TMEM44: variants seen among roughly 807,000 people sequenced by gnomAD.
The protein encoded by TMEM44 is transmembrane protein 44.
In TMEM44, 43 loss-of-function variants were observed where a neutral mutation model predicts 47.8. That is an observed-to-expected ratio of 0.90 (90% CI 0.70 to 1.16). TMEM44 has a LOEUF of 1.16. Ranked by LOEUF, TMEM44 falls within the 50% of genes most tolerant of loss-of-function variation. The pLI, the probability that TMEM44 is intolerant of heterozygous loss-of-function variation, is 0.00. For missense variants in TMEM44, 568 were observed against 555.2 expected, an observed-to-expected ratio of 1.02 and a Z score of -0.23; for synonymous variants, 277 against 238.8, an observed-to-expected ratio of 1.16 and a Z score of -1.48.
In TMEM44 at chr3:194,588,633, G is replaced by C; in HGVS notation, c.1183C>G (p.Pro395Ala). Residue 395 changes from proline to alanine, a missense_variant, in exon 10 of 10, where the codon CCT becomes GCT. By Grantham distance (27) the Pro-to-Ala change is conservative. Transcript: ENST00000347147. ...SSINSDLEWD[P>A]EDVNLEGSKE... The stretch of plus-strand genomic sequence containing the variant: ...CTGCCTTCGAGGTTCACATCTTCAG[G>C]GTCCCACTATGGAGAAAAGATGCAA... 8 of 1,613,972 alleles carry C rather than the reference G, an allele frequency of 5.0e-6. No homozygotes were observed. Among genetic ancestry groups the C allele is most frequent in the Non-Finnish European group, 6.8e-6 (8 of 1,179,996 alleles).
chr3:194,617,858 T>C (rs1383772743), intron 5 of TMEM44: 3 of 647,250 alleles, frequency 4.6e-6, no homozygotes, highest in Non-Finnish European at 8.4e-6. Context: ...CTCACGACAG[T>C]GAGTGAGTTC....
chr3:194,590,646 G>C (rs1388089487), intron 9 of TMEM44, among the ~76,000 whole-genome samples: 1 of 152,160 alleles, frequency 6.6e-6, no homozygotes, highest in Non-Finnish European at 1.5e-5. Context: ...GCGTGTGCTT[G>C]ACCAGCCACA....
At chr3:194,613,236 G>C (rs1469767780) in intron 7 of TMEM44, among the ~76,000 whole-genome samples, 1 of 151,818 alleles carries the variant, frequency 6.6e-6, no homozygotes, top group African/African-American at 2.4e-5. Context: ...GGAGTACAGT[G>C]GCACGATCCC....
intron 9 of TMEM44, 144 bp downstream of exon 9, chr3:194,604,143 C>G: frequency 9.3e-7 from 1 of 1,075,980 alleles, no homozygotes; most frequent in African/African-American, 1.6e-5. Flanking sequence ...TGTGAGCCAC[C>G]GCGCCTGGCC....
At chr3:194,624,113 G>A (rs913463150) in intron 3 of TMEM44, among the ~76,000 whole-genome samples, 1 of 152,234 alleles carries the variant, frequency 6.6e-6, no homozygotes, top group African/African-American at 2.4e-5. Flanking sequence ...GATGGCACCA[G>A]CGGGAACTGT....
chr3:194,600,708 G>A (rs1386434639), intron 9 of TMEM44, among the ~76,000 whole-genome samples: 1 of 152,000 alleles, frequency 6.6e-6, no homozygotes, highest in Non-Finnish European at 1.5e-5. Flanking sequence ...CCGAGACTGC[G>A]CCACGGCACT....
chr3:194,617,393 T>G, intron 5 of TMEM44, 124 bp from the exon 6 acceptor site: 3 of 1,112,856 alleles, frequency 2.7e-6, no homozygotes, highest in Non-Finnish European at 3.8e-6. Context: ...GGGCAATGCT[T>G]CTGTTAGACT....
chr3:194,617,188 T>A lies in TMEM44; in HGVS notation c.694A>T (p.Ile232Phe). ...TCAGGGTGCTGGTCGTGGGCCACAA[T>A]GGCCGAGGCATAGAGGAGGCCAGCC... ...ALAGLLYASA[I>F]VAHDQHPEYL... The change falls in exon 6 of 10, where the codon ATT (isoleucine) becomes TTT (phenylalanine). Residue 232 changes from isoleucine (I) to phenylalanine (F), a missense_variant. By Grantham distance (21) the Ile-to-Phe change is conservative. Transcript: ENST00000347147. 1 of 1,546,362 alleles carries A rather than the reference T, an allele frequency of 6.5e-7. No homozygotes were observed. Among genetic ancestry groups the A allele is most frequent in the Admixed American group, 2.0e-5 (1 of 50,834 alleles).
chr3:194,631,190 A>G (rs1329807752), intron 1 of TMEM44, among the ~76,000 whole-genome samples: 3 of 142,892 alleles, frequency 2.1e-5, no homozygotes, highest in Non-Finnish European at 4.6e-5. Flanking sequence ...CGTCACTGAT[A>G]GGGCCTCTGA....
At chr3:194,617,350 G>A (rs947778573) in intron 5 of TMEM44, 81 bp from the exon 6 acceptor site, 16 of 1,417,894 alleles carry the variant, frequency 1.1e-5, no homozygotes, top group African/African-American at 2.9e-5. Flanking sequence ...AGCAGGTTGC[G>A]GGGCAAGCCC....
chr3:194,623,723 G>T, intron 3 of TMEM44, 28 bp from the exon 4 acceptor site: 1 of 1,613,238 alleles, frequency 6.2e-7, no homozygotes, highest in South Asian at 1.1e-5. Flanking sequence ...ATCCCACATG[G>T]CTCCTGGAAG....
intron 1 of TMEM44, among the ~76,000 whole-genome samples, chr3:194,631,709 CCT>C (rs1442491139): frequency 2.0e-5 from 3 of 152,166 alleles, no homozygotes; most frequent in African/African-American, 4.8e-5. Context: ...TGCTCCGTAC[CCT>C]GTTGTTCTCA....
Position 194,605,504 on chromosome 3 carries a change from G to A in TMEM44, c.1018-1059C>T, listed in dbSNP as rs889102317. 5.9e-5 allele frequency among the ~76,000 whole-genome samples: 9 copies of A among 152,326 alleles called. No homozygotes were observed. The East Asian group carries it at 7.7e-4, about 13-fold the overall frequency. On this transcript the variant is annotated intron_variant, in intron 8 of 9. Coordinates refer to ENST00000347147, the MANE Select transcript of TMEM44 (RefSeq NM_001011655.3). ...AATCACGGCAGAAGGCAAAGGAGGA[G>A]CAAGTCACGTCTTACATGGATGGCA...
chr3:194,618,004 G>A (rs1363130476), intron 5 of TMEM44, among the ~76,000 whole-genome samples: 1 of 152,208 alleles, frequency 6.6e-6, no homozygotes, highest in Non-Finnish European at 1.5e-5. Context: ...CAGAAGCCCA[G>A]CAGATGCTGG....
intron 5 of TMEM44, chr3:194,617,701 G>A (rs1322337262): frequency 1.4e-6 from 1 of 704,012 alleles, no homozygotes; most frequent in East Asian, 2.7e-5. Context: ...GAACGTGAGG[G>A]AGACTGGGAT....
At position 194,610,997 on chromosome 3, in the gene TMEM44, G is replaced by A; in HGVS notation, c.936C>T (p.Thr312=). The A allele has an allele frequency of 6.2e-7, 1 of 1,614,014 alleles. No homozygotes were observed. Among genetic ancestry groups the A allele is most frequent in the Middle Eastern group, 1.6e-4 (1 of 6,062 alleles). Reference sequence around the variant, plus strand: ...TCAGTGACTTGCAGTGTGACAGTGTGGTGAGAGGCACCCAATCCAAATTCT... The same window carrying A: ...TCAGTGACTTGCAGTGTGACAGTGTAGTGAGAGGCACCCAATCCAAATTCT... The part of the protein sequence containing the change: ...NQENLDWVPL[T]TLSHCKSLRT... Residue 312 remains threonine (T), a synonymous_variant, in exon 8 of 10, where the codon ACC becomes ACT. Transcript: ENST00000347147.
At chr3:194,630,835 T>C (rs1256639406) in intron 1 of TMEM44, among the ~76,000 whole-genome samples, 4 of 148,454 alleles carry the variant, frequency 2.7e-5, no homozygotes, top group African/African-American at 1.0e-4. Flanking sequence ...GCATCACTGA[T>C]AGGGCCTCTG....
intron 3 of TMEM44, among the ~76,000 whole-genome samples, chr3:194,625,342 C>T (rs1193743925): frequency 6.6e-6 from 1 of 152,134 alleles, no homozygotes; most frequent in Non-Finnish European, 1.5e-5. Context: ...GCTTCCTTGA[C>T]ACCAGCAGCC....
chr3:194,633,125 C>T lies in TMEM44; in HGVS notation c.91G>A (p.Gly31Ser), dbSNP rs1219566966. 3.9e-6 allele frequency: 6 copies of T among 1,551,440 alleles called. No individual in the cohort carries two copies. The Admixed American group carries it at 1.2e-4, about 30-fold the overall frequency. The change falls in exon 1 of 10, where the codon GGC (glycine) becomes AGC (serine). Residue 31 changes from glycine to serine, a missense_variant. By Grantham distance (56) the Gly-to-Ser change is moderately conservative. Transcript: ENST00000347147. The part of the protein sequence containing the change: ...FARHRVCISF[G>S]LWICASSCWI... The stretch of plus-strand genomic sequence containing the variant: ...CAGGAGGAGGCGCAGATCCACAGGC[C>T]GAAGGAGATGCAGACGCGGTGGCGG...
Sources: gnomAD v4.1 joint callset for allele counts (sites outside exome capture counted in the v4.1 genomes callset) on GRCh38, gnomAD v4.1.1 for gene constraint, MANE v1.5 for transcripts, NCBI Gene and HGNC (gene_info 2026-07-23, HGNC 2026-07-21) for gene names.